The following PCDHA10 variants were observed in gnomAD, a reference collection of about 807,000 sequenced individuals.
PCDHA10 encodes protocadherin alpha 10.
A neutral mutation model predicts 61.2 loss-of-function variants in PCDHA10; 45 were observed. The ratio of observed to expected loss-of-function variants is 0.74; its 90% confidence interval spans 0.58 to 0.94. The LOEUF (loss-of-function observed/expected upper bound fraction) is 0.94. Ranked by LOEUF, PCDHA10 falls within the 40% of genes least tolerant of loss-of-function variation. The pLI, the probability that PCDHA10 is intolerant of heterozygous loss-of-function variation, is 0.00. For missense variants in PCDHA10, 1,278 were observed against 1,236.2 expected (o/e 1.03, Z -0.51); for synonymous variants, 602 against 548.8 (o/e 1.10, Z -1.35).
intron 1 of PCDHA10, chr5:140,968,948 A>G (rs1554231262): frequency 2.5e-6 from 4 of 1,614,064 alleles, no homozygotes; most frequent in East Asian, 4.5e-5. Flanking sequence ...CATTTTGAGC[A>G]TCATCAAGTG....
chr5:140,924,472 GT>G (rs1436957745), intron 1 of PCDHA10, among the ~76,000 whole-genome samples: 2 of 152,188 alleles, frequency 1.3e-5, no homozygotes, highest in African/African-American at 4.8e-5. Context: ...GAGGTAACTG[GT>G]TTTTAGTGGA....
chr5:140,877,206 C>T (rs782807049), intron 1 of PCDHA10: 3 of 1,613,650 alleles, frequency 1.9e-6, no homozygotes, highest in African/African-American at 2.7e-5. Flanking sequence ...GCGCAGTTAG[C>T]GAGTTGGTAC....
chr5:140,929,327 T>A (rs782155915), intron 1 of PCDHA10: 1 of 1,536,752 alleles, frequency 6.5e-7, no homozygotes, highest in Admixed American at 2.1e-5. Context: ...AATGCCATGG[T>A]AAGCAAATTT....
intron 1 of PCDHA10, among the ~76,000 whole-genome samples, chr5:140,961,632 A>G (rs373824042): frequency 7.9e-5 from 12 of 152,214 alleles, no homozygotes; most frequent in South Asian, 4.1e-4. Flanking sequence ...ATGAAAAACA[A>G]TCTTAAGTCT....
intron 2 of PCDHA10, 164 bp downstream of exon 2, chr5:140,979,171 C>T (rs1586797637): frequency 4.2e-6 from 4 of 960,866 alleles, no homozygotes; most frequent in South Asian, 4.8e-5. Context: ...CTTGAAAGAT[C>T]GCAAATGGTC....
At chr5:140,981,342 G>A (rs2096927846) in intron 2 of PCDHA10, among the ~76,000 whole-genome samples, 1 of 152,176 alleles carries the variant, frequency 6.6e-6, no homozygotes, top group African/African-American at 2.4e-5. Flanking sequence ...GGGAGGGTGA[G>A]GCAGGTGGAT....
intron 1 of PCDHA10, among the ~76,000 whole-genome samples, chr5:140,886,622 C>T (rs1483241958): frequency 6.6e-6 from 1 of 151,430 alleles, no homozygotes; most frequent in Non-Finnish European, 1.5e-5. Context: ...GATCAGGAGT[C>T]CGAGACCAGC....
chr5:140,980,044 T>G (rs1249451662), intron 2 of PCDHA10, among the ~76,000 whole-genome samples: 11 of 152,258 alleles, frequency 7.2e-5, no homozygotes, highest in Non-Finnish European at 1.5e-4. Flanking sequence ...GGGTGCTATT[T>G]CTGATTCAGA....
intron 1 of PCDHA10, chr5:140,877,318 G>T (rs1193928342): frequency 1.9e-6 from 3 of 1,614,000 alleles, no homozygotes; most frequent in Non-Finnish European, 2.5e-6. Context: ...ACCGGCGGCG[G>T]TCGGCGCGCA....
intron 1 of PCDHA10, among the ~76,000 whole-genome samples, chr5:140,900,492 G>A (rs2068087412): frequency 6.6e-6 from 1 of 152,174 alleles, no homozygotes; most frequent in African/African-American, 2.4e-5. Flanking sequence ...GGTCAGACTG[G>A]TCTCAAATTC....
intron 1 of PCDHA10, among the ~76,000 whole-genome samples, chr5:140,939,276 C>T (rs146183157): frequency 6.6e-6 from 1 of 152,174 alleles, no homozygotes; most frequent in Non-Finnish European, 1.5e-5. Flanking sequence ...GAGAGCTGTG[C>T]CCTCGTGATC....
chr5:140,873,546 A>C (rs2054343070), intron 1 of PCDHA10, among the ~76,000 whole-genome samples: 2 of 151,836 alleles, frequency 1.3e-5, no homozygotes, highest in Admixed American at 1.3e-4. Context: ...TAAAATTATA[A>C]TTTCAATTTA....
At chr5:140,915,650 C>G (rs1554197017) in intron 1 of PCDHA10, among the ~76,000 whole-genome samples, 1 of 151,636 alleles carries the variant, frequency 6.6e-6, no homozygotes, top group Non-Finnish European at 1.5e-5. Flanking sequence ...CTCTCTCTCT[C>G]TCTCTCAAGG....
At chr5:140,948,447 A>G (rs2094256090) in intron 1 of PCDHA10, among the ~76,000 whole-genome samples, 1 of 151,282 alleles carries the variant, frequency 6.6e-6, no homozygotes, top group Non-Finnish European at 1.5e-5. Flanking sequence ...TGTGCCAGGG[A>G]TTTTCTTTTA....
intron 3 of PCDHA10, among the ~76,000 whole-genome samples, chr5:141,006,559 T>C (rs2098278096): frequency 6.6e-6 from 1 of 152,134 alleles, no homozygotes; most frequent in East Asian, 1.9e-4. Flanking sequence ...TAAAGATGAC[T>C]CTGGCTACTG....
At chr5:140,957,912 T>A (rs570961362) in intron 1 of PCDHA10, among the ~76,000 whole-genome samples, 1 of 152,256 alleles carries the variant, frequency 6.6e-6, no homozygotes, top group Non-Finnish European at 1.5e-5. Context: ...CATATTGTTA[T>A]CTATGTATCA....
chr5:141,005,701 CAAAAAAAAAAA>C (rs59860837), intron 3 of PCDHA10, among the ~76,000 whole-genome samples: 24 of 7,788 alleles, frequency 3.1e-3, no homozygotes, highest in African/African-American at 7.5e-3. Flanking sequence ...AACTCCGTCT[CAAAAAAAAAAA>C]AAAAAAAAAA....
intron 1 of PCDHA10, among the ~76,000 whole-genome samples, chr5:140,965,073 TCTGA>T (rs1372324599): frequency 1.3e-5 from 2 of 152,186 alleles, no homozygotes; most frequent in African/African-American, 4.8e-5. Context: ...CAGGTCTCAC[TCTGA>T]CTTTGTTCCA....
At chr5:140,902,085 GT>G (rs1225919893) in intron 1 of PCDHA10, among the ~76,000 whole-genome samples, 1 of 151,518 alleles carries the variant, frequency 6.6e-6, no homozygotes, top group African/African-American at 2.4e-5. Context: ...TGTTTTAATA[GT>G]TTTTTGGAGT....
Sources: allele counts gnomAD v4.1 joint callset (sites outside exome capture counted in the v4.1 genomes callset), GRCh38; gene constraint gnomAD v4.1.1; transcripts MANE v1.5; gene names NCBI Gene and HGNC (gene_info 2026-07-23, HGNC 2026-07-21).